The following OTOGL variants were observed in gnomAD, a reference collection of about 807,000 sequenced individuals.
OTOGL encodes the protein otogelin like, also known as otogelin-like protein.
A neutral mutation model predicts 318.5 loss-of-function variants in OTOGL; 285 were observed. The observed-to-expected ratio is 0.89, with a 90% CI of 0.81 to 0.99. The LOEUF is 0.99. OTOGL is among the 50% of genes least tolerant of loss of function. OTOGL has a pLI of 0.00. For synonymous variants in OTOGL, 987 were observed against 936.5 expected, an observed-to-expected ratio of 1.05 and a Z score of -0.99; for missense variants, 2,899 against 2,845.6, an observed-to-expected ratio of 1.02 and a Z score of -0.43.
chr12:80,209,836 T>C (rs1168156509), intron 2 of OTOGL, among the ~76,000 whole-genome samples: 1 of 152,114 alleles, frequency 6.6e-6, no homozygotes. Context: ...GATATGCAAT[T>C]GTATTAGAAG....
rs1887248874 is a variant in OTOGL at position 80,320,433 on chromosome 12, G to A, written c.3814G>A (p.Val1272Ile). Residue 1272 changes from valine to isoleucine, a missense_variant, in exon 34 of 59, where the codon GTT (valine) becomes ATT (isoleucine). This residue lies in a region of OTOGL where 2,607 missense variants were observed against 2,524.9 expected (regional missense o/e 1.03). Transcript: ENST00000547103. Reference protein sequence around the residue: ...FKEKVSSLALVSLESAERPNY... With the variant: ...FKEKVSSLALISLESAERPNY... ...TCTATATTTTACAGCATTAGCACTT[G>A]TTTCCTTGGAATCTGCTGAAAGGCC... The A allele has an allele frequency of 6.2e-7, 1 of 1,611,966 alleles. No individual in the cohort carries two copies. The highest frequency in any genetic ancestry group is 1.1e-5 in the South Asian group (1 of 90,934).
chr12:80,137,794 A>T (rs1329655488), intron 1 of OTOGL, among the ~76,000 whole-genome samples: 16 of 152,144 alleles, frequency 1.1e-4, no homozygotes, highest in Admixed American at 1.0e-3. Context: ...AACATAATTG[A>T]TCTTTTAGGA....
chr12:80,170,311 A>G (rs1347443765), intron 1 of OTOGL, among the ~76,000 whole-genome samples: 1 of 151,716 alleles, frequency 6.6e-6, no homozygotes, highest in African/African-American at 2.4e-5. Flanking sequence ...TTGTGACTTT[A>G]ATTTGCATGG....
intron 37 of OTOGL, among the ~76,000 whole-genome samples, chr12:80,332,439 A>G (rs1254374660): frequency 6.6e-6 from 1 of 152,144 alleles, no homozygotes. Context: ...TCCAATATTG[A>G]CACCTTTAGA....
intron 35 of OTOGL, among the ~76,000 whole-genome samples, chr12:80,325,884 C>T (rs938963748): frequency 4.6e-5 from 7 of 152,028 alleles, no homozygotes; most frequent in Non-Finnish European, 7.4e-5. Context: ...TATGGGATGA[C>T]GTGGGATGAT....
intron 44 of OTOGL, among the ~76,000 whole-genome samples, chr12:80,346,047 G>T (rs944019400): frequency 6.6e-6 from 1 of 152,112 alleles, no homozygotes; most frequent in Non-Finnish European, 1.5e-5. Flanking sequence ...ATTTGGCATC[G>T]AACCTCCTCA....
chr12:80,143,371 C>G (rs1872079689), intron 1 of OTOGL, among the ~76,000 whole-genome samples: 2 of 151,964 alleles, frequency 1.3e-5, no homozygotes, highest in Non-Finnish European at 2.9e-5. Flanking sequence ...ATAGGAAAAG[C>G]TTTTTTTGAA....
chr12:80,368,699 G>A (rs1287559141), intron 55 of OTOGL, among the ~76,000 whole-genome samples: 1 of 151,984 alleles, frequency 6.6e-6, no homozygotes, highest in Non-Finnish European at 1.5e-5. Flanking sequence ...TCTAATTGAG[G>A]TTCATGGAAG....
intron 42 of OTOGL, among the ~76,000 whole-genome samples, chr12:80,337,699 T>C (rs761719175): frequency 6.6e-6 from 1 of 151,936 alleles, no homozygotes; most frequent in Non-Finnish European, 1.5e-5. Context: ...TGTGTAAAGA[T>C]TTTTTCTTAA....
intron 26 of OTOGL, among the ~76,000 whole-genome samples, chr12:80,288,065 C>T (rs1884768767): frequency 6.6e-6 from 1 of 152,072 alleles, no homozygotes; most frequent in Admixed American, 6.6e-5. Context: ...TTAGTGCTTC[C>T]TTCAGGAGCT....
chr12:80,191,116 AT>A (rs2137261832), intron 1 of OTOGL, among the ~76,000 whole-genome samples: 1 of 152,274 alleles, frequency 6.6e-6, no homozygotes, highest in African/African-American at 2.4e-5. Context: ...ACATCTTCAA[AT>A]TTATTTTTCA....
chr12:80,314,310 G>T lies in OTOGL; in HGVS notation c.3613G>T (p.Asp1205Tyr). ...HWRSSTVCSL[D>Y]CEYYNEGLGE... Reference sequence around the variant, plus strand: ...TTATTCTTTTTTTCTTTTAGCACTTGATTGTGAATACTACAATGAAGGTAT... The same window carrying T: ...TTATTCTTTTTTTCTTTTAGCACTTTATTGTGAATACTACAATGAAGGTAT... Residue 1205 changes from aspartate (D) to tyrosine (Y), a missense_variant, in exon 32 of 59, where the codon GAT becomes TAT. Transcript: ENST00000547103. The T allele has an allele frequency of 9.6e-7, 1 of 1,045,912 alleles. No individual in the cohort carries two copies. The highest frequency in any genetic ancestry group is 2.8e-5 in the South Asian group (1 of 35,378). 64.8% of individuals were successfully genotyped at this position (1,045,912 alleles called of 1,614,324 possible). A position where few individuals can be genotyped will look rare whatever the true frequency, so the allele number is the denominator to read the frequency against.
At chr12:80,277,259 G>T (rs546327758) in intron 24 of OTOGL, among the ~76,000 whole-genome samples, 2 of 143,684 alleles carry the variant, frequency 1.4e-5, no homozygotes, top group African/African-American at 2.5e-5. Context: ...CAAAATTATT[G>T]TTCTATTATT....
At chr12:80,310,562 G>T in intron 29 of OTOGL, 49 bp from the exon 30 acceptor site, 1 of 1,320,676 alleles carries the variant, frequency 7.6e-7, no homozygotes, top group Non-Finnish European at 1.1e-6. Context: ...CTCTGTTTGA[G>T]AAATTGTCCC....
chr12:80,176,480 G>T (rs1023884029), intron 1 of OTOGL, among the ~76,000 whole-genome samples: 4 of 151,964 alleles, frequency 2.6e-5, no homozygotes, highest in African/African-American at 7.3e-5. Context: ...CATTTTCTAG[G>T]ATTTTATAAA....
In OTOGL at chr12:80,368,354, G is replaced by C. The variant is rs372711025; in HGVS notation, c.6615+45G>C. Reference sequence around the variant, plus strand: ...ATGCTCTGTGCTATTTTCTGAAGGAGGAGTTCTTGAGTCAAAGTTTGGAAA... The same window carrying C: ...ATGCTCTGTGCTATTTTCTGAAGGACGAGTTCTTGAGTCAAAGTTTGGAAA... On this transcript the variant is annotated intron_variant, in intron 55 of 58. Coordinates refer to ENST00000547103, the MANE Select transcript of OTOGL (RefSeq NM_001378609.3). 122 of 1,457,564 alleles carry C rather than the reference G, an allele frequency of 8.4e-5. No individual in the cohort carries two copies. The African/African-American group carries it at 1.5e-3, about 18-fold the overall frequency. 90.3% of individuals were successfully genotyped at this position (1,457,564 alleles called of 1,614,324 possible).
intron 1 of OTOGL, among the ~76,000 whole-genome samples, chr12:80,134,918 GTC>G: frequency 6.6e-6 from 1 of 152,198 alleles, no homozygotes; most frequent in East Asian, 1.9e-4. Flanking sequence ...TTATTCATGT[GTC>G]TCTGGAATTT....
At chr12:80,303,520 A>AT (rs1194527349) in intron 28 of OTOGL, among the ~76,000 whole-genome samples, 14 of 152,224 alleles carry the variant, frequency 9.2e-5, no homozygotes, top group Admixed American at 6.5e-5. Context: ...ATTTTGACAA[A>AT]TGCATTGTAT....
At chr12:80,138,229 A>C (rs1376308397) in intron 1 of OTOGL, among the ~76,000 whole-genome samples, 1 of 152,090 alleles carries the variant, frequency 6.6e-6, no homozygotes, top group Non-Finnish European at 1.5e-5. Flanking sequence ...TGTTAGAAAG[A>C]AAGGCTTAGA....
Sources: allele counts gnomAD v4.1 joint callset (sites outside exome capture counted in the v4.1 genomes callset), GRCh38; gene constraint gnomAD v4.1.1; regional missense constraint gnomAD v4.1.1; transcripts MANE v1.5; gene names NCBI Gene and HGNC (gene_info 2026-07-23, HGNC 2026-07-21).